Variants in RAD51B observed in about 807,000 individuals in gnomAD.
The protein encoded by RAD51B is RAD51 paralog B, also known as DNA repair protein RAD51 homolog 2.
In RAD51B, 38 loss-of-function variants were observed where a neutral mutation model predicts 42.2. The ratio of observed to expected loss-of-function variants is 0.90; its 90% CI spans 0.70 to 1.18. The LOEUF (loss-of-function observed/expected upper bound fraction) is 1.18, where lower values mean the gene tolerates loss of function less well. Ranked by LOEUF, RAD51B falls within the 50% of genes most tolerant of loss-of-function variation. RAD51B has a pLI of 0.00. For synonymous variants in RAD51B, 154 were observed against 145.2 expected, an observed-to-expected ratio of 1.06 and a Z score of -0.43; for missense variants, 373 against 400.7, an observed-to-expected ratio of 0.93 and a Z score of 0.59.
chr14:67,892,220 A>G (rs1352234695), intron 7 of RAD51B, among the ~76,000 whole-genome samples: 1 of 152,178 alleles, frequency 6.6e-6, no homozygotes, highest in East Asian at 1.9e-4. Flanking sequence ...TCCTATGTTC[A>G]TTCAGGTCCC....
At chr14:68,356,798 G>T (rs536095711) in intron 8 of RAD51B, among the ~76,000 whole-genome samples, 2 of 151,694 alleles carry the variant, frequency 1.3e-5, no homozygotes, top group Non-Finnish European at 2.9e-5. Context: ...CGGCTAAAAC[G>T]GTGAAACCCC....
At chr14:68,439,037 ACC>A (rs2085216072) in intron 9 of RAD51B, among the ~76,000 whole-genome samples, 1 of 152,096 alleles carries the variant, frequency 6.6e-6, no homozygotes, top group Non-Finnish European at 1.5e-5. Flanking sequence ...TCTACTTGAT[ACC>A]ACAGGGAACT....
chr14:68,496,560 A>T (rs1335708145), intron 10 of RAD51B, among the ~76,000 whole-genome samples: 1 of 152,248 alleles, frequency 6.6e-6, no homozygotes, highest in Non-Finnish European at 1.5e-5. Flanking sequence ...CACTTGCCGT[A>T]TGGCTGTGAT....
intron 7 of RAD51B, among the ~76,000 whole-genome samples, chr14:67,927,499 C>G (rs1004106540): frequency 2.6e-5 from 4 of 152,188 alleles, no homozygotes; most frequent in African/African-American, 9.7e-5. Context: ...TTGAACCACC[C>G]TTCCGAGTCT....
intron 10 of RAD51B, among the ~76,000 whole-genome samples, chr14:68,649,798 A>C (rs1442735366): frequency 6.6e-6 from 1 of 152,184 alleles, no homozygotes; most frequent in Non-Finnish European, 1.5e-5. Flanking sequence ...ACCTTCCGCA[A>C]AGAGACCAAC....
intron 10 of RAD51B, among the ~76,000 whole-genome samples, chr14:68,553,528 C>G (rs1487742857): frequency 3.3e-5 from 5 of 151,910 alleles, no homozygotes; most frequent in Non-Finnish European, 7.4e-5. Context: ...GGGCTGGGGA[C>G]TTGGGGAGGG....
chr14:68,236,003 T>C (rs1318122011), intron 7 of RAD51B, among the ~76,000 whole-genome samples: 1 of 151,994 alleles, frequency 6.6e-6, no homozygotes, highest in Non-Finnish European at 1.5e-5. Flanking sequence ...GAGCTAAACA[T>C]TGAGCTAAAC....
intron 9 of RAD51B, among the ~76,000 whole-genome samples, chr14:68,465,949 A>AT (rs1566899964): frequency 4.1e-4 from 41 of 100,066 alleles, no homozygotes; most frequent in African/African-American, 1.1e-3. Flanking sequence ...TCAAAAAAAA[A>AT]AAAAATAAAT....
intron 9 of RAD51B, among the ~76,000 whole-genome samples, chr14:68,434,926 A>G (rs1467655946): frequency 1.3e-5 from 2 of 152,124 alleles, no homozygotes; most frequent in Non-Finnish European, 2.9e-5. Flanking sequence ...TTGTTGATAC[A>G]CCTTTAGATT....
chr14:68,197,488 T>C (rs1388888525), intron 7 of RAD51B, among the ~76,000 whole-genome samples: 1 of 152,216 alleles, frequency 6.6e-6, no homozygotes, highest in Non-Finnish European at 1.5e-5. Flanking sequence ...AATGCCATTA[T>C]GAATATGCTT....
intron 7 of RAD51B, among the ~76,000 whole-genome samples, chr14:68,082,485 ATATG>A (rs1555352652): frequency 6.7e-6 from 1 of 148,990 alleles, no homozygotes; most frequent in Non-Finnish European, 1.5e-5. Flanking sequence ...ATATATATAT[ATATG>A]TATTTATGTA....
At chr14:67,894,775 C>T (rs2043352509) in intron 7 of RAD51B, among the ~76,000 whole-genome samples, 1 of 151,988 alleles carries the variant, frequency 6.6e-6, no homozygotes, top group Admixed American at 6.6e-5. Flanking sequence ...TTAAATGTCC[C>T]ATTCTTTTTT....
chr14:68,256,032 T>C (rs1162693563), intron 7 of RAD51B, among the ~76,000 whole-genome samples: 2 of 152,210 alleles, frequency 1.3e-5, no homozygotes, highest in African/African-American at 4.8e-5. Context: ...GAATAATAAA[T>C]ACTGTGCAAA....
At chr14:68,371,339 A>G (rs2083259753) in intron 8 of RAD51B, among the ~76,000 whole-genome samples, 1 of 152,134 alleles carries the variant, frequency 6.6e-6, no homozygotes, top group Admixed American at 6.5e-5. Flanking sequence ...CAACGTGGTG[A>G]AACCCCGTCT....
chr14:68,250,616 T>TA (rs762520082), intron 7 of RAD51B, among the ~76,000 whole-genome samples: 17 of 152,186 alleles, frequency 1.1e-4, no homozygotes, highest in African/African-American at 1.4e-4. Flanking sequence ...CCAAAATAGG[T>TA]AAAATCTTCC....
chr14:68,096,495 C>T (rs544344321), intron 7 of RAD51B, among the ~76,000 whole-genome samples: 8 of 152,284 alleles, frequency 5.3e-5, no homozygotes, highest in African/African-American at 1.9e-4. Flanking sequence ...TCCTCCTACT[C>T]CTTTTCGATA....
intron 7 of RAD51B, among the ~76,000 whole-genome samples, chr14:68,011,942 G>A (rs1344750362): frequency 6.6e-6 from 1 of 152,048 alleles, no homozygotes; most frequent in African/African-American, 2.4e-5. Flanking sequence ...GGTTAGAAGT[G>A]TTCAGTGTTT....
intron 7 of RAD51B, among the ~76,000 whole-genome samples, chr14:67,888,873 C>G (rs1255551805): frequency 1.3e-5 from 2 of 152,104 alleles, no homozygotes; most frequent in Admixed American, 1.3e-4. Context: ...CCCATGGATA[C>G]AGGGGGATGA....
At chr14:68,161,541 TAGAAG>T (rs2078639010) in intron 7 of RAD51B, among the ~76,000 whole-genome samples, 1 of 152,304 alleles carries the variant, frequency 6.6e-6, no homozygotes, top group East Asian at 1.9e-4. Flanking sequence ...GGATTGAGAG[TAGAAG>T]AGATCTGTTT....
Sources: allele counts gnomAD v4.1 joint callset (sites outside exome capture counted in the v4.1 genomes callset), GRCh38; gene constraint gnomAD v4.1.1; transcripts MANE v1.5; gene names NCBI Gene and HGNC (gene_info 2026-07-23, HGNC 2026-07-21).